The following PREX1 variants were observed in gnomAD, a reference collection of about 807,000 sequenced individuals.
PREX1 encodes phosphatidylinositol 3,4,5-trisphosphate-dependent Rac exchanger 1 protein.
Under a neutral mutation model 198.3 loss-of-function variants are expected in PREX1, and 41 were observed. That is an observed-to-expected ratio of 0.21 (90% CI 0.16 to 0.27). PREX1 has a LOEUF of 0.27. PREX1 is among the 10% of genes least tolerant of loss of function. The pLI is 1.00. For missense variants in PREX1, 1,620 were observed against 2,200.7 expected, an observed-to-expected ratio of 0.74 and a Z score of 5.28; for synonymous variants, 843 against 887.2, an observed-to-expected ratio of 0.95 and a Z score of 0.89.
intron 5 of PREX1, among the ~76,000 whole-genome samples, chr20:48,710,572 C>T (rs1302783402): frequency 6.6e-6 from 1 of 152,238 alleles, no homozygotes; most frequent in African/African-American, 2.4e-5. Context: ...CACAGCACAT[C>T]TGAGCCCACC....
the PREX1 span, among the ~76,000 whole-genome samples, chr20:48,874,370 T>C: frequency 9.6e-6 from 1 of 104,040 alleles, no homozygotes; most frequent in Non-Finnish European, 2.0e-5. Flanking sequence ...AGGAGGGGTG[T>C]CCGTGTGTGT....
chr20:48,641,816 AAGAAAGAAAGAG>A (rs1340574926), intron 29 of PREX1, among the ~76,000 whole-genome samples: 1 of 134,578 alleles, frequency 7.4e-6, no homozygotes, highest in Non-Finnish European at 1.5e-5. Flanking sequence ...GAAAGAAAGA[AAGAAAGAAAGAG>A]AGAGAGAGAG....
At chr20:48,706,587 CCT>C (rs1461027301) in intron 6 of PREX1, among the ~76,000 whole-genome samples, 4 of 152,156 alleles carry the variant, frequency 2.6e-5, no homozygotes, top group East Asian at 1.9e-4. Flanking sequence ...TGGCCATGCC[CCT>C]GTCTCCTCCG....
At chr20:48,748,164 T>G (rs1233942932) in intron 1 of PREX1, among the ~76,000 whole-genome samples, 1 of 152,144 alleles carries the variant, frequency 6.6e-6, no homozygotes, top group Non-Finnish European at 1.5e-5. Flanking sequence ...AGCCCCTGCC[T>G]TCGAGGAACC....
At chr20:48,706,860 G>A (rs1396058004) in intron 6 of PREX1, among the ~76,000 whole-genome samples, 5 of 152,144 alleles carry the variant, frequency 3.3e-5, no homozygotes, top group Non-Finnish European at 4.4e-5. Flanking sequence ...AATCCAGGCC[G>A]AGGGCCCCAG....
chr20:48,659,772 CAGA>C (rs1213714127), intron 16 of PREX1, 144 bp downstream of exon 16: 11 of 1,109,640 alleles, frequency 9.9e-6, no homozygotes, highest in Non-Finnish European at 3.8e-6. Context: ...GGCTTCTTGG[CAGA>C]GTTGCCCCCT....
the PREX1 span, among the ~76,000 whole-genome samples, chr20:48,883,248 G>C: frequency 6.6e-6 from 1 of 151,828 alleles, no homozygotes; most frequent in Non-Finnish European, 1.5e-5. Context: ...GTCTTTTCAT[G>C]ATCAAAACCA....
intron 1 of PREX1, among the ~76,000 whole-genome samples, chr20:48,780,285 G>A (rs2090282687): frequency 6.6e-6 from 1 of 152,086 alleles, no homozygotes; most frequent in Non-Finnish European, 1.5e-5. Context: ...TACAAGATGA[G>A]CCAGAATATC....
intron 1 of PREX1, among the ~76,000 whole-genome samples, chr20:48,822,268 C>T (rs1270187037): frequency 2.6e-5 from 4 of 152,206 alleles, no homozygotes; most frequent in African/African-American, 9.6e-5. Flanking sequence ...TTCTTGCCCA[C>T]CTGGGCAGCC....
chr20:48,720,842 G>C (rs560676602), intron 5 of PREX1, among the ~76,000 whole-genome samples: 36 of 152,222 alleles, frequency 2.4e-4, no homozygotes, highest in Admixed American at 5.2e-4. Flanking sequence ...CGAATGACAA[G>C]GTCCTTGCGC....
chr20:48,691,098 TG>T lies in PREX1; in HGVS notation c.1037-3del, dbSNP rs746724854. The T allele has an allele frequency of 3.7e-6, 6 of 1,614,060 alleles. No homozygotes were observed. The highest frequency in any genetic ancestry group is 1.3e-5 in the African/African-American group (1 of 74,914). ...TATAGCCGTTGCTATGGTAATCCGC[TG>T]GTGGGGGCAGGAGGCAAAGGTGCAG... On this transcript the variant is annotated splice_region_variant and splice_polypyrimidine_tract_variant and intron_variant, in intron 8 of 39. Coordinates refer to ENST00000371941, the MANE Select transcript of PREX1 (RefSeq NM_020820.4). This position sits in a 1 kb window ranked among gnomAD's most constrained non-coding sequence, Gnocchi z 5.0.
chr20:48,658,002 C>T (rs963071724), intron 17 of PREX1, 134 bp downstream of exon 17: 22 of 894,502 alleles, frequency 2.5e-5, no homozygotes, highest in East Asian at 7.4e-5. Context: ...AGTTTCTCCA[C>T]GTGAGCAATG....
In PREX1 at chr20:48,642,427, G is replaced by A. The variant is rs2089421737; in HGVS notation, c.3664C>T (p.Leu1222=). The change falls in exon 28 of 40, where the codon CTG becomes TTG. Residue 1222 remains leucine (L), a synonymous_variant. Transcript: ENST00000371941. ...SDKQDKLHGC[L]EHLFNQVDSI... ...CCTACCTGGTTAAAGAGGTGCTCCA[G>A]GCAGCCATGAAGCTTGTCCTGCTTG... 1 of 1,613,416 alleles carries A rather than the reference G, an allele frequency of 6.2e-7. No individual in the cohort carries two copies. Among genetic ancestry groups the A allele is most frequent in the East Asian group, 2.2e-5 (1 of 44,842 alleles).
the PREX1 span, among the ~76,000 whole-genome samples, chr20:48,877,136 A>G: frequency 1.3e-5 from 2 of 151,942 alleles, no homozygotes; most frequent in Non-Finnish European, 2.9e-5. Context: ...AGGCGTGGTG[A>G]TTCACATGCC....
rs754527218 is a variant in PREX1 at position 48,659,906 on chromosome 20, G to A, written c.1881+13C>T. 1 of 1,614,014 alleles carries A rather than the reference G, an allele frequency of 6.2e-7. No individual in the cohort carries two copies. The highest frequency in any genetic ancestry group is 8.5e-7 in the Non-Finnish European group (1 of 1,180,038). On this transcript the variant is annotated intron_variant, in intron 16 of 39. Coordinates refer to ENST00000371941, the MANE Select transcript of PREX1 (RefSeq NM_020820.4). ...CTGGCAAGGAAGGGACAGCTGCTCAGCTGTGCTCCTACCAGCAGGCGCTTG... is the reference window on the plus strand; with the variant it reads ...CTGGCAAGGAAGGGACAGCTGCTCAACTGTGCTCCTACCAGCAGGCGCTTG...
intron 1 of PREX1, among the ~76,000 whole-genome samples, chr20:48,758,729 A>G (rs2090165906): frequency 6.6e-6 from 1 of 152,214 alleles, no homozygotes; most frequent in South Asian, 2.1e-4. Context: ...CATTGCGTGT[A>G]TCTGAGGATA....
intron 33 of PREX1, 123 bp from the exon 34 acceptor site, chr20:48,632,762 C>T: frequency 9.8e-7 from 1 of 1,017,524 alleles, no homozygotes; most frequent in South Asian, 1.5e-5. Context: ...ACCCTGGGAC[C>T]TCCCTGTTCT....
At chr20:48,882,277 C>T in the PREX1 span, among the ~76,000 whole-genome samples, 4 of 151,758 alleles carry the variant, frequency 2.6e-5, no homozygotes, top group Admixed American at 6.6e-5. Context: ...CGGAGGCAGG[C>T]GGATCACGAG....
chr20:48,657,829 G>A (rs181093674), intron 17 of PREX1, among the ~76,000 whole-genome samples: 3 of 152,214 alleles, frequency 2.0e-5, no homozygotes, highest in Non-Finnish European at 4.4e-5. Context: ...TCTTATTCAA[G>A]CCACTGTGAC....
Sources: gnomAD v4.1 joint callset for allele counts (sites outside exome capture counted in the v4.1 genomes callset) on GRCh38, gnomAD v4.1.1 for gene constraint, Gnocchi (gnomAD v3.1) non-coding constraint, MANE v1.5 for transcripts, NCBI Gene and HGNC (gene_info 2026-07-23, HGNC 2026-07-21) for gene names.